The following C1orf185 variants were observed in gnomAD, a reference collection of about 807,000 sequenced individuals.
C1orf185 encodes the protein chromosome 1 open reading frame 185.
In C1orf185, 13 loss-of-function variants were observed where a neutral mutation model predicts 16.1. That is an observed-to-expected ratio of 0.81 (90% CI 0.53 to 1.28). C1orf185 has a LOEUF of 1.28. C1orf185 is among the 50% of genes most tolerant of loss of function. The pLI, the probability that C1orf185 is intolerant of heterozygous loss-of-function variation, is 0.00. For synonymous variants in C1orf185, 80 were observed against 76.9 expected (o/e 1.04, Z -0.21); for missense variants, 220 against 225.2 (o/e 0.98, Z 0.15).
chr1:51,150,559 A>G (rs1417506251), downstream of C1orf185, among the ~76,000 whole-genome samples: 1 of 152,194 alleles, frequency 6.6e-6, no homozygotes, highest in African/African-American at 2.4e-5. Context: ...ACTCCATATC[A>G]TAGGTATATA....
chr1:51,147,465 A>G lies in C1orf185; in HGVS notation c.296-2A>G, dbSNP rs1646408206. On this transcript the variant is annotated splice_acceptor_variant, in intron 4 of 4. Transcript: ENST00000371759. LOFTEE classifies it high-confidence loss of function. ...ATATTCATAGTAAATCTGTTTTTACAGCAATTAAAGATCATTCTAAAGATG... is the reference window on the plus strand; with the variant it reads ...ATATTCATAGTAAATCTGTTTTTACGGCAATTAAAGATCATTCTAAAGATG... 1.3e-6 allele frequency: 2 copies of G among 1,512,004 alleles called. No individual in the cohort carries two copies. The highest frequency in any genetic ancestry group is 2.8e-5 in the African/African-American group (2 of 71,280). The allele number at this position is 1,512,004 out of a possible 1,614,324, so 93.7% of individuals were successfully genotyped here. A position where few individuals can be genotyped will look rare whatever the true frequency, so the allele number is the denominator to read the frequency against.
intron 2 of C1orf185, 31 bp downstream of exon 2, chr1:51,112,600 T>C (rs772091314): frequency 1.4e-6 from 2 of 1,479,058 alleles, no homozygotes; most frequent in Admixed American, 2.5e-5. Context: ...TCTTTAACCT[T>C]TTTTTCTTTT....
intron 1 of C1orf185, among the ~76,000 whole-genome samples, chr1:51,105,358 A>T (rs895275085): frequency 1.3e-5 from 2 of 152,168 alleles, no homozygotes; most frequent in African/African-American, 4.8e-5. Flanking sequence ...TAAAAAAAAA[A>T]AACTTTCTCC....
chr1:51,130,096 G>A (rs1466994769), intron 3 of C1orf185, among the ~76,000 whole-genome samples: 2 of 152,146 alleles, frequency 1.3e-5, no homozygotes, highest in Non-Finnish European at 2.9e-5. Context: ...GGATATTTGA[G>A]ATGTTTCCAG....
chr1:51,127,042 G>A (rs557505207), intron 3 of C1orf185, among the ~76,000 whole-genome samples: 2 of 151,954 alleles, frequency 1.3e-5, no homozygotes, highest in South Asian at 4.2e-4. Flanking sequence ...TACCACTGAA[G>A]TGAAATTAAT....
chr1:51,110,179 G>A (rs1646105789), intron 1 of C1orf185, among the ~76,000 whole-genome samples: 1 of 152,104 alleles, frequency 6.6e-6, no homozygotes, highest in Non-Finnish European at 1.5e-5. Context: ...TTTCTCATAT[G>A]TAAAGTGCAG....
At chr1:51,147,162 C>T (rs1329731382) in intron 4 of C1orf185, among the ~76,000 whole-genome samples, 2 of 152,012 alleles carry the variant, frequency 1.3e-5, no homozygotes, top group Admixed American at 6.6e-5. Context: ...ATTAATTATA[C>T]CAGTATTGTT....
At chr1:51,138,487 G>A (rs992379983) in intron 3 of C1orf185, among the ~76,000 whole-genome samples, 1 of 151,856 alleles carries the variant, frequency 6.6e-6, no homozygotes, top group Non-Finnish European at 1.5e-5. Flanking sequence ...CTGCCTCCCG[G>A]GTTCACGCCA....
intron 3 of C1orf185, among the ~76,000 whole-genome samples, chr1:51,142,392 T>C (rs1249447177): frequency 6.6e-6 from 1 of 152,232 alleles, no homozygotes; most frequent in Non-Finnish European, 1.5e-5. Context: ...CTTTTCCTCA[T>C]GATCACATTT....
At chr1:51,126,105 T>A (rs535376126) in intron 3 of C1orf185, among the ~76,000 whole-genome samples, 1 of 152,326 alleles carries the variant, frequency 6.6e-6, no homozygotes, top group East Asian at 1.9e-4. Flanking sequence ...TGGTCAGCTC[T>A]GGGTCACATA....
intron 1 of C1orf185, among the ~76,000 whole-genome samples, chr1:51,106,055 G>C (rs1046441926): frequency 6.6e-6 from 1 of 152,060 alleles, no homozygotes; most frequent in Non-Finnish European, 1.5e-5. Context: ...ATTTTCTGTC[G>C]TAATAGAGAA....
At position 51,112,506 on chromosome 1, in the gene C1orf185, T is replaced by C. The variant is rs1646128744; in HGVS notation, c.59T>C (p.Val20Ala). 1 of 1,551,222 alleles carries C rather than the reference T, an allele frequency of 6.4e-7. No homozygotes were observed. Among genetic ancestry groups the C allele is most frequent in the Non-Finnish European group, 8.7e-7 (1 of 1,146,812 alleles). Reference sequence around the variant, plus strand: ...ACCTATTTTCTTGCTGCTGGTGCTGTCACTTTGGGAATTGGTTTCTTTGCT... The same window carrying C: ...ACCTATTTTCTTGCTGCTGGTGCTGCCACTTTGGGAATTGGTTTCTTTGCT... ...YLTYFLAAGA[V>A]TLGIGFFALA... The change falls in exon 2 of 5, where the codon GTC becomes GCC. Residue 20 changes from valine to alanine, a missense_variant. By Grantham distance (64) the Val-to-Ala change is moderately conservative. Transcript: ENST00000371759.
downstream of C1orf185, among the ~76,000 whole-genome samples, chr1:51,148,415 G>A (rs769586236): frequency 1.1e-4 from 16 of 152,212 alleles, no homozygotes; most frequent in Admixed American, 2.6e-4. Flanking sequence ...GAGCCACTGC[G>A]CCTGGCCAGA....
chr1:51,135,637 G>C (rs763206517), intron 3 of C1orf185, among the ~76,000 whole-genome samples: 1 of 152,110 alleles, frequency 6.6e-6, no homozygotes, highest in Non-Finnish European at 1.5e-5. Flanking sequence ...TAATAAACTA[G>C]GTATTGAAGG....
chr1:51,143,934 T>C (rs1054484573), intron 3 of C1orf185, among the ~76,000 whole-genome samples: 3 of 152,174 alleles, frequency 2.0e-5, no homozygotes, highest in African/African-American at 4.8e-5. Context: ...GAGTTTCAAA[T>C]TGCGGGTTTT....
At chr1:51,116,775 T>C (rs549574323) in intron 2 of C1orf185, among the ~76,000 whole-genome samples, 3 of 152,258 alleles carry the variant, frequency 2.0e-5, no homozygotes, top group Non-Finnish European at 2.9e-5. Flanking sequence ...TGTTACATTG[T>C]CCTAATCTGG....
intron 3 of C1orf185, among the ~76,000 whole-genome samples, chr1:51,130,339 G>GTTTC (rs995822593): frequency 2.0e-5 from 3 of 149,672 alleles, no homozygotes; most frequent in Admixed American, 6.6e-5. Context: ...GAGAGATCCA[G>GTTTC]TTTCTTTCTT....
At chr1:51,124,081 G>GT (rs893846873) in intron 3 of C1orf185, among the ~76,000 whole-genome samples, 3,918 of 113,572 alleles carry the variant, frequency 0.034, 163 homozygotes, top group African/African-American at 0.085. Flanking sequence ...ACTGTAGTTT[G>GT]TTTTTTTTTT....
intron 3 of C1orf185, among the ~76,000 whole-genome samples, chr1:51,126,999 T>C (rs539400292): frequency 6.6e-6 from 1 of 152,346 alleles, no homozygotes; most frequent in South Asian, 2.1e-4. Context: ...TTTTTCATTA[T>C]TTATAACTTG....
Sources: gnomAD v4.1 joint callset for allele counts (sites outside exome capture counted in the v4.1 genomes callset) on GRCh38, gnomAD v4.1.1 for gene constraint, MANE v1.5 for transcripts, NCBI Gene and HGNC (gene_info 2026-07-23, HGNC 2026-07-21) for gene names.